The following ADK variants were observed in gnomAD, a reference collection of about 807,000 sequenced individuals.
ADK encodes the protein N6,N6-dimethyladenosine kinase.
Under a neutral mutation model 44.7 loss-of-function variants are expected in ADK, and 24 were observed. That is an observed-to-expected ratio of 0.54 (90% confidence interval 0.39 to 0.76). The LOEUF (loss-of-function observed/expected upper bound fraction) is 0.76. Among genes scored for constraint, ADK ranks in the 30% least tolerant of loss-of-function variants. The probability of loss-of-function intolerance (pLI) is 0.00; values close to 1 mark genes in which losing one functional copy is unlikely to be tolerated. For synonymous variants in ADK, 128 were observed against 142.6 expected (o/e 0.90, Z 0.73); for missense variants, 321 against 425.1 (o/e 0.76, Z 2.15).
chr10:74,528,025 T>A, intron 7 of ADK: 1 of 863,160 alleles, frequency 1.2e-6, no homozygotes, highest in East Asian at 2.4e-5. Context: ...GGAATTTGTA[T>A]TCGGCAATAA....
At chr10:74,223,240 A>G (rs899041618) in intron 2 of ADK, among the ~76,000 whole-genome samples, 8 of 152,012 alleles carry the variant, frequency 5.3e-5, no homozygotes, top group Non-Finnish European at 8.8e-5. Context: ...TGAACCTGCT[A>G]ATGGTAGCTC....
chr10:74,687,989 A>C (rs1312574999), intron 10 of ADK, among the ~76,000 whole-genome samples: 1 of 152,190 alleles, frequency 6.6e-6, no homozygotes, highest in Non-Finnish European at 1.5e-5. Flanking sequence ...TTCTCACTGC[A>C]CTTAGCCTAA....
At chr10:74,567,595 A>G (rs1468560670) in intron 7 of ADK, among the ~76,000 whole-genome samples, 2 of 151,972 alleles carry the variant, frequency 1.3e-5, no homozygotes, top group Admixed American at 6.6e-5. Flanking sequence ...TCTTATACAT[A>G]TAACAACTTT....
intron 7 of ADK, among the ~76,000 whole-genome samples, chr10:74,538,655 A>T (rs1217134893): frequency 6.6e-6 from 1 of 152,212 alleles, no homozygotes; most frequent in Non-Finnish European, 1.5e-5. Flanking sequence ...AGCCTGAATG[A>T]TGCTTGTATC....
At chr10:74,574,588 A>G (rs1263016073) in intron 7 of ADK, among the ~76,000 whole-genome samples, 3 of 152,162 alleles carry the variant, frequency 2.0e-5, no homozygotes, top group Admixed American at 6.5e-5. Context: ...TGAAAATACA[A>G]CTGTAATTAA....
At chr10:74,573,900 G>A (rs1296063909) in intron 7 of ADK, among the ~76,000 whole-genome samples, 1 of 152,222 alleles carries the variant, frequency 6.6e-6, no homozygotes, top group African/African-American at 2.4e-5. Flanking sequence ...TCTTCCAGGT[G>A]CCGTCTGTCA....
intron 6 of ADK, among the ~76,000 whole-genome samples, chr10:74,402,977 T>A (rs1267824991): frequency 6.6e-6 from 1 of 152,174 alleles, no homozygotes; most frequent in African/African-American, 2.4e-5. Context: ...ATAGTCAGGA[T>A]CCTCAGCTGC....
At chr10:74,173,090 T>G (rs2132059277) in intron 1 of ADK, among the ~76,000 whole-genome samples, 1 of 150,646 alleles carries the variant, frequency 6.6e-6, no homozygotes, top group East Asian at 1.9e-4. Context: ...CAAAATTAGT[T>G]TTTTTTTTTT....
At chr10:74,638,487 C>T (rs1369595794) in intron 9 of ADK, among the ~76,000 whole-genome samples, 1 of 151,832 alleles carries the variant, frequency 6.6e-6, no homozygotes, top group Non-Finnish European at 1.5e-5. Context: ...ATAGTGAGAC[C>T]CTGCAAAAAA....
At chr10:74,341,851 T>C (rs1841593174) in intron 4 of ADK, among the ~76,000 whole-genome samples, 1 of 152,208 alleles carries the variant, frequency 6.6e-6, no homozygotes, top group African/African-American at 2.4e-5. Flanking sequence ...ATTTGTACTA[T>C]TCTGGTTAGT....
chr10:74,334,521 G>GAAA (rs1841342368), intron 4 of ADK, among the ~76,000 whole-genome samples: 2 of 152,146 alleles, frequency 1.3e-5, no homozygotes, highest in Non-Finnish European at 2.9e-5. Flanking sequence ...GTAATGAAGT[G>GAAA]TTTTTTCTTT....
intron 6 of ADK, among the ~76,000 whole-genome samples, chr10:74,484,741 C>A (rs1265784390): frequency 6.6e-6 from 1 of 152,068 alleles, no homozygotes; most frequent in Non-Finnish European, 1.5e-5. Flanking sequence ...CAGTGGTAGA[C>A]CAGTGTAATG....
intron 10 of ADK, among the ~76,000 whole-genome samples, chr10:74,688,477 C>T (rs1183016539): frequency 3.3e-5 from 5 of 152,068 alleles, no homozygotes; most frequent in African/African-American, 9.7e-5. Flanking sequence ...AGCTGCAAAC[C>T]GATTTGCCCC....
intron 10 of ADK, among the ~76,000 whole-genome samples, chr10:74,695,169 G>A (rs1856131065): frequency 6.6e-6 from 1 of 152,112 alleles, no homozygotes; most frequent in African/African-American, 2.4e-5. Context: ...AATCTGGTAA[G>A]ACTAGTCTCT....
intron 9 of ADK, among the ~76,000 whole-genome samples, chr10:74,604,823 C>G (rs910131688): frequency 1.3e-5 from 2 of 152,130 alleles, no homozygotes; most frequent in African/African-American, 4.8e-5. Context: ...AGCATTGAAT[C>G]TGTAAATTAC....
chr10:74,649,944 G>A (rs940758844), intron 9 of ADK, among the ~76,000 whole-genome samples: 2 of 152,178 alleles, frequency 1.3e-5, no homozygotes, highest in East Asian at 1.9e-4. Flanking sequence ...ATTGTGAGGA[G>A]TAGAAGACCC....
intron 9 of ADK, among the ~76,000 whole-genome samples, chr10:74,651,158 C>T (rs1298051196): frequency 1.3e-5 from 2 of 151,896 alleles, no homozygotes; most frequent in East Asian, 3.9e-4. Context: ...GTGGAATTGC[C>T]AAAATTCGGT....
At chr10:74,431,673 G>A (rs899605568) in intron 6 of ADK, among the ~76,000 whole-genome samples, 2 of 152,060 alleles carry the variant, frequency 1.3e-5, no homozygotes, top group East Asian at 1.9e-4. Flanking sequence ...CCTGGGAGGC[G>A]GAGGTTGCAG....
At chr10:74,442,923 A>G (rs905443238) in intron 6 of ADK, among the ~76,000 whole-genome samples, 1 of 152,192 alleles carries the variant, frequency 6.6e-6, no homozygotes. Flanking sequence ...AAAAATATAG[A>G]TACTGTGTGA....
Sources: allele counts gnomAD v4.1 joint callset (sites outside exome capture counted in the v4.1 genomes callset), GRCh38; gene constraint gnomAD v4.1.1; transcripts MANE v1.5; gene names NCBI Gene and HGNC (gene_info 2026-07-23, HGNC 2026-07-21).